NUFIP1: variants seen among roughly 807,000 people sequenced by gnomAD.
NUFIP1 encodes FMR1-interacting protein NUFIP1.
NUFIP1 carries 38 observed loss-of-function variants against 56.2 expected under a neutral mutation model. The ratio of observed to expected loss-of-function variants is 0.68; its 90% confidence interval spans 0.52 to 0.89. The LOEUF (loss-of-function observed/expected upper bound fraction) is 0.89. NUFIP1 is among the 40% of genes least tolerant of loss of function. NUFIP1 has a pLI of 0.00. For missense variants in NUFIP1, 567 were observed against 605.8 expected, an observed-to-expected ratio of 0.94 and a Z score of 0.67; for synonymous variants, 215 against 212.4, an observed-to-expected ratio of 1.01 and a Z score of -0.10.
chr13:44,958,227 G>A (rs1447216955), intron 7 of NUFIP1, among the ~76,000 whole-genome samples: 2 of 152,144 alleles, frequency 1.3e-5, no homozygotes, highest in Admixed American at 6.5e-5. Flanking sequence ...TGAGCAGAAT[G>A]ACTAAGATAA....
chr13:44,949,831 A>C lies in NUFIP1; in HGVS notation c.1029T>G (p.Asp343Glu), dbSNP rs1450496850. ...GVLINSDSES[D>E]KEEKPQHSVI... Reference sequence around the variant, plus strand: ...CAGAATGTTGTGGTTTCTCCTCCTTATCAGACTCTGAAGGGAAAAGAAGTC... The same window carrying C: ...CAGAATGTTGTGGTTTCTCCTCCTTCTCAGACTCTGAAGGGAAAAGAAGTC... The change falls in exon 8 of 10, where the codon GAT (aspartate) becomes GAG (glutamate). Residue 343 changes from aspartate (D) to glutamate (E), a missense_variant. Transcript: ENST00000379161. 4 of 1,610,872 alleles carry C rather than the reference A, an allele frequency of 2.5e-6. No homozygotes were observed. Among genetic ancestry groups the C allele is most frequent in the Admixed American group, 1.7e-5 (1 of 60,014 alleles).
At chr13:44,985,259 C>T (rs536891036) in intron 1 of NUFIP1, among the ~76,000 whole-genome samples, 1 of 152,336 alleles carries the variant, frequency 6.6e-6, no homozygotes, top group Non-Finnish European at 1.5e-5. Flanking sequence ...GGACTTCCTT[C>T]CAAATCTGCT....
intron 5 of NUFIP1, among the ~76,000 whole-genome samples, chr13:44,974,725 A>G (rs976463151): frequency 6.6e-6 from 1 of 152,062 alleles, no homozygotes; most frequent in African/African-American, 2.4e-5. Context: ...CTAACTTTTT[A>G]TTTTTGTAGA....
At chr13:44,946,021 A>G (rs1870893605) in intron 8 of NUFIP1, among the ~76,000 whole-genome samples, 1 of 152,070 alleles carries the variant, frequency 6.6e-6, no homozygotes, top group South Asian at 2.1e-4. Context: ...TAGCTGTGTG[A>G]CCTTTGGGCA....
At position 44,941,341 on chromosome 13, in the gene NUFIP1, A is replaced by G; in HGVS notation, c.1372-19T>C. ...CTAGAAGCTAAAACACAATTTAAAA[A>G]AAGATGAGGTAGTAAATAAATTATA... On this transcript the variant is annotated intron_variant, in intron 9 of 9. Coordinates refer to ENST00000379161, the MANE Select transcript of NUFIP1 (RefSeq NM_012345.3). 1 of 1,422,130 alleles carries G rather than the reference A, an allele frequency of 7.0e-7. No homozygotes were observed. The highest frequency in any genetic ancestry group is 9.8e-7 in the Non-Finnish European group (1 of 1,015,772). 88.1% of individuals were successfully genotyped at this position (1,422,130 alleles called of 1,614,324 possible). A position where few individuals can be genotyped will look rare whatever the true frequency, so the allele number is the denominator to read the frequency against.
intron 7 of NUFIP1, among the ~76,000 whole-genome samples, chr13:44,957,191 C>T (rs1166110291): frequency 6.6e-6 from 1 of 152,152 alleles, no homozygotes; most frequent in African/African-American, 2.4e-5. Flanking sequence ...TAAACCAAAA[C>T]AAAATTATTT....
At chr13:44,963,094 A>G (rs1871479237) in intron 6 of NUFIP1, among the ~76,000 whole-genome samples, 1 of 152,198 alleles carries the variant, frequency 6.6e-6, no homozygotes, top group South Asian at 2.1e-4. Context: ...AAAAAAAACA[A>G]AACAAAAAAA....
At chr13:44,979,104 T>C in intron 5 of NUFIP1, 86 bp downstream of exon 5, 1 of 1,080,896 alleles carries the variant, frequency 9.3e-7, no homozygotes, top group South Asian at 1.5e-5. Flanking sequence ...AGTTCCAACA[T>C]TCTAAGGGAA....
chr13:44,971,789 C>T (rs1207007719), intron 5 of NUFIP1, among the ~76,000 whole-genome samples: 1 of 152,202 alleles, frequency 6.6e-6, no homozygotes, highest in African/African-American at 2.4e-5. Flanking sequence ...TATTCTGTGG[C>T]TTAATATTTG....
At chr13:44,944,978 T>C (rs1010386728) in intron 8 of NUFIP1, among the ~76,000 whole-genome samples, 2 of 152,072 alleles carry the variant, frequency 1.3e-5, no homozygotes, top group Non-Finnish European at 2.9e-5. Context: ...CAATTATCTA[T>C]GCTTCTACTG....
intron 5 of NUFIP1, among the ~76,000 whole-genome samples, chr13:44,970,027 A>G (rs1871748631): frequency 6.6e-6 from 1 of 152,358 alleles, no homozygotes; most frequent in East Asian, 1.9e-4. Flanking sequence ...TCAGAGCCAC[A>G]GTAAGCGTTG....
At chr13:44,959,679 C>A in intron 6 of NUFIP1, 105 bp from the exon 7 acceptor site, 2 of 856,622 alleles carry the variant, frequency 2.3e-6, no homozygotes, top group South Asian at 1.7e-5. Flanking sequence ...TAAAACTGAT[C>A]ACTTGTAGCC....
chr13:44,979,472 G>C (rs1306715574), intron 4 of NUFIP1, among the ~76,000 whole-genome samples: 1 of 152,130 alleles, frequency 6.6e-6, no homozygotes, highest in Non-Finnish European at 1.5e-5. Context: ...GAGGGAAAAG[G>C]GGTAACATAA....
chr13:44,962,359 T>C (rs886305560), intron 6 of NUFIP1, among the ~76,000 whole-genome samples: 3 of 152,234 alleles, frequency 2.0e-5, no homozygotes, highest in African/African-American at 4.8e-5. Flanking sequence ...TAGGTGATTG[T>C]TTCTCAGTGG....
At chr13:44,941,466 G>A (rs1343192106) in intron 9 of NUFIP1, 144 bp from the exon 10 acceptor site, 8 of 537,410 alleles carry the variant, frequency 1.5e-5, no homozygotes, top group East Asian at 1.2e-4. Context: ...GCTAAAAAAC[G>A]ATGCAAGAAC....
chr13:44,979,414 CT>C (rs2054585144), intron 4 of NUFIP1, 148 bp from the exon 5 acceptor site: 1 of 586,568 alleles, frequency 1.7e-6, no homozygotes, highest in Admixed American at 3.5e-5. Flanking sequence ...ATAACTTTTC[CT>C]TTAAAGGAAG....
At chr13:44,944,301 G>GA (rs999958190) in intron 8 of NUFIP1, among the ~76,000 whole-genome samples, 23 of 152,076 alleles carry the variant, frequency 1.5e-4, no homozygotes, top group Non-Finnish European at 2.5e-4. Flanking sequence ...CATGAACGCC[G>GA]AAAGTCTGTA....
At chr13:44,944,170 A>G (rs1870839676) in intron 8 of NUFIP1, among the ~76,000 whole-genome samples, 1 of 152,196 alleles carries the variant, frequency 6.6e-6, no homozygotes, top group African/African-American at 2.4e-5. Context: ...TGTGAAGTAG[A>G]TATCATTTGA....
intron 7 of NUFIP1, among the ~76,000 whole-genome samples, chr13:44,954,991 C>T (rs1054294113): frequency 6.6e-6 from 1 of 152,210 alleles, no homozygotes; most frequent in African/African-American, 2.4e-5. Context: ...ACTTCAGTCA[C>T]AGATGCTCAA....
Sources: allele counts gnomAD v4.1 joint callset (sites outside exome capture counted in the v4.1 genomes callset), GRCh38; gene constraint gnomAD v4.1.1; transcripts MANE v1.5; gene names NCBI Gene and HGNC (gene_info 2026-07-23, HGNC 2026-07-21).